ADAMTS9: variants seen among roughly 807,000 people sequenced by gnomAD.
The protein encoded by ADAMTS9 is ADAM metallopeptidase with thrombospondin type 1 motif 9.
Under a neutral mutation model 257.1 loss-of-function variants are expected in ADAMTS9, and 107 were observed. The observed-to-expected ratio is 0.42, with a 90% CI of 0.36 to 0.49. The LOEUF (loss-of-function observed/expected upper bound fraction) is 0.49. ADAMTS9 is among the 20% of genes least tolerant of loss of function. The pLI is 0.03. For missense variants in ADAMTS9, 2,353 were observed against 2,469.1 expected, an observed-to-expected ratio of 0.95 and a Z score of 1.00; for synonymous variants, 982 against 880.9, an observed-to-expected ratio of 1.11 and a Z score of -2.03.
intron 3 of ADAMTS9, among the ~76,000 whole-genome samples, chr3:64,664,780 A>G (rs1390838121): frequency 1.3e-5 from 2 of 152,186 alleles, no homozygotes; most frequent in African/African-American, 4.8e-5. Flanking sequence ...CTTCTTGTGT[A>G]TATACATAGC....
rs1410729278 is a variant in ADAMTS9 at position 64,561,671 on chromosome 3, G to A, written c.4605C>T (p.Thr1535=). 3 of 1,613,860 alleles carry A rather than the reference G, an allele frequency of 1.9e-6. No homozygotes were observed. Among genetic ancestry groups the A allele is most frequent in the African/African-American group, 2.7e-5 (2 of 74,838 alleles). The change falls in exon 30 of 40, where the codon ACC becomes ACT. Residue 1535 remains threonine (T), a synonymous_variant. Transcript: ENST00000498707. ...CCGGTCTGGTGTATGGGTTGCACTC[G>A]GTCTCTCTGGCTATTTTGTGTGTTC... The part of the protein sequence containing the change: ...QIGTHKIARE[T]ECNPYTRPES...
chr3:64,542,116 A>C (rs187292377), intron 32 of ADAMTS9, 146 bp from the exon 33 acceptor site: 2 of 1,049,772 alleles, frequency 1.9e-6, no homozygotes, highest in Admixed American at 5.2e-5. Flanking sequence ...GCTGACATTT[A>C]CTGAGCACTT....
intron 28 of ADAMTS9, among the ~76,000 whole-genome samples, chr3:64,590,338 T>G (rs2084238344): frequency 1.3e-5 from 2 of 152,206 alleles, no homozygotes; most frequent in African/African-American, 4.8e-5. Flanking sequence ...AAAATGTATC[T>G]TTTTAAAACC....
At chr3:64,545,004 G>GAA (rs199932762) in intron 32 of ADAMTS9, among the ~76,000 whole-genome samples, 2 of 150,576 alleles carry the variant, frequency 1.3e-5, no homozygotes, top group African/African-American at 2.4e-5. Context: ...AAAGACACAT[G>GAA]AAAAAATGCT....
chr3:64,663,949 A>G (rs529648550), intron 3 of ADAMTS9, among the ~76,000 whole-genome samples: 1 of 152,134 alleles, frequency 6.6e-6, no homozygotes. Flanking sequence ...AAAAATAGAC[A>G]CTATATCTTA....
In ADAMTS9 at chr3:64,541,977, G is replaced by C; in HGVS notation, c.5065-7C>G. On this transcript the variant is annotated splice_polypyrimidine_tract_variant and splice_region_variant and intron_variant, in intron 32 of 39. Coordinates refer to ENST00000498707, the MANE Select transcript of ADAMTS9 (RefSeq NM_182920.2). ...CACCACAAGACACTGAGCACTGTAA[G>C]ACAAATGAGAGTCAGCGGTGTGGCT... The C allele has an allele frequency of 6.2e-7, 1 of 1,613,974 alleles. No homozygotes were observed. Among genetic ancestry groups the C allele is most frequent in the Non-Finnish European group, 8.5e-7 (1 of 1,179,926 alleles).
At chr3:64,638,484 A>G (rs1250744826) in intron 12 of ADAMTS9, among the ~76,000 whole-genome samples, 1 of 152,162 alleles carries the variant, frequency 6.6e-6, no homozygotes, top group East Asian at 1.9e-4. Flanking sequence ...GAACGTTCTG[A>G]GAGTGAAAAT....
intron 12 of ADAMTS9, among the ~76,000 whole-genome samples, chr3:64,636,473 A>G (rs1420923941): frequency 6.6e-6 from 1 of 152,168 alleles, no homozygotes; most frequent in East Asian, 1.9e-4. Flanking sequence ...TATCTATTTC[A>G]TAAAGCTGTA....
Position 64,616,116 on chromosome 3 carries a change from G to A in ADAMTS9, c.2868C>T (p.Arg956=), listed in dbSNP as rs1259064094. Residue 956 remains arginine, a synonymous_variant, in exon 20 of 40, where the codon CGC becomes CGT. Coordinates refer to ENST00000498707, the MANE Select transcript of ADAMTS9 (RefSeq NM_182920.2). ...ECSAQCGLGY[R]TLDIYCAKYS... ...ATTTGGCACAGTAGATGTCCAATGT[G>A]CGGTAACCCAAGCCACACTGGGCAC... The A allele has an allele frequency of 1.9e-6, 3 of 1,614,108 alleles. No individual in the cohort carries two copies. The highest frequency in any genetic ancestry group is 1.7e-5 in the Admixed American group (1 of 60,020).
At chr3:64,541,656 G>T in intron 33 of ADAMTS9, 36 bp from the exon 34 acceptor site, 1 of 1,583,658 alleles carries the variant, frequency 6.3e-7, no homozygotes, top group Non-Finnish European at 8.7e-7. Context: ...AGGGTGTGAT[G>T]ATCCGAGATG....
At chr3:64,657,053 A>G (rs1225401399) in intron 4 of ADAMTS9, among the ~76,000 whole-genome samples, 1 of 152,176 alleles carries the variant, frequency 6.6e-6, no homozygotes, top group East Asian at 1.9e-4. Context: ...AAAAACAGCA[A>G]TGTGTAATAC....
intron 3 of ADAMTS9, among the ~76,000 whole-genome samples, chr3:64,669,681 T>A (rs6793277): frequency 6.6e-6 from 1 of 151,832 alleles, no homozygotes; most frequent in Non-Finnish European, 1.5e-5. Context: ...TGTCAGAAAG[T>A]GTATGGATGA....
intron 3 of ADAMTS9, among the ~76,000 whole-genome samples, chr3:64,668,897 G>A (rs1438161697): frequency 2.0e-5 from 3 of 152,138 alleles, no homozygotes; most frequent in Admixed American, 2.0e-4. Context: ...TAAGCAACTC[G>A]TAGGGAGTGT....
chr3:64,539,298 T>G lies in ADAMTS9; in HGVS notation c.5522-4A>C, dbSNP rs753248523. ...CTTGCAAACTGTAAGTCAGTGGCTG[T>G]GGGGTGGAGAAGGGGTTAAAGGCAG... On this transcript the variant is annotated splice_polypyrimidine_tract_variant and splice_region_variant and intron_variant, in intron 36 of 39. Transcript: ENST00000498707. 1 of 1,612,900 alleles carries G rather than the reference T, an allele frequency of 6.2e-7. No individual in the cohort carries two copies. The highest frequency in any genetic ancestry group is 8.5e-7 in the Non-Finnish European group (1 of 1,179,458).
chr3:64,625,289 G>A (rs541080002), intron 16 of ADAMTS9, among the ~76,000 whole-genome samples: 1 of 152,248 alleles, frequency 6.6e-6, no homozygotes, highest in African/African-American at 2.4e-5. Context: ...GATGTCTTAG[G>A]TATTAGCTAG....
In ADAMTS9 at chr3:64,609,246, C is replaced by T. The variant is rs1403378112; in HGVS notation, c.3355-2167G>A. Reference sequence around the variant, plus strand: ...GATGCCCGCTTTCACCACTGCTGTTCATCATTGTACTGGAAGTTCTAGCCA... The same window carrying T: ...GATGCCCGCTTTCACCACTGCTGTTTATCATTGTACTGGAAGTTCTAGCCA... On this transcript the variant is annotated intron_variant, in intron 22 of 39. Transcript: ENST00000498707. 2.6e-5 allele frequency among the ~76,000 whole-genome samples: 4 copies of T among 152,040 alleles called. No homozygotes were observed. The East Asian group carries it at 7.7e-4, about 29-fold the overall frequency.
At chr3:64,539,400 G>A in intron 36 of ADAMTS9, 106 bp from the exon 37 acceptor site, 2 of 909,090 alleles carry the variant, frequency 2.2e-6, no homozygotes, top group Non-Finnish European at 3.5e-6. Flanking sequence ...AGAAGAATAA[G>A]AGGGAATGGG....
chr3:64,602,074 G>T lies in ADAMTS9; in HGVS notation c.3887C>A (p.Pro1296His). Residue 1296 changes from proline to histidine, a missense_variant, in exon 26 of 40, where the codon CCT becomes CAT. By Grantham distance (77) the Pro-to-His change is moderately conservative (BLOSUM62 -2). This residue lies in a region of ADAMTS9 where 1,402 missense variants were observed against 1,441.4 expected (regional missense o/e 0.97). Coordinates refer to ENST00000498707, the MANE Select transcript of ADAMTS9 (RefSeq NM_182920.2). ...TDQDCSMSPCPQRTPDSGLAQ... is the reference protein window; with the variant it reads ...TDQDCSMSPCHQRTPDSGLAQ... ...TAAGCCACTGTCTGGGGTCCTTTGAGGGCATGGTGACATGGAACAGTCCTG... is the reference window on the plus strand; with the variant it reads ...TAAGCCACTGTCTGGGGTCCTTTGATGGCATGGTGACATGGAACAGTCCTG... 1 of 1,614,098 alleles carries T rather than the reference G, an allele frequency of 6.2e-7. No homozygotes were observed. The highest frequency in any genetic ancestry group is 8.5e-7 in the Non-Finnish European group (1 of 1,179,984).
intron 10 of ADAMTS9, 63 bp downstream of exon 10, chr3:64,649,574 A>G (rs1700880281): frequency 6.6e-7 from 1 of 1,518,298 alleles, no homozygotes; most frequent in South Asian, 1.3e-5. Context: ...GCAATGGAAA[A>G]CTATGAATAA....
Sources: allele counts gnomAD v4.1 joint callset (sites outside exome capture counted in the v4.1 genomes callset), GRCh38; gene constraint gnomAD v4.1.1; regional missense constraint gnomAD v4.1.1; transcripts MANE v1.5; gene names NCBI Gene and HGNC (gene_info 2026-07-23, HGNC 2026-07-21).